Variants in VWA8 observed in about 807,000 individuals in gnomAD.
VWA8 encodes von Willebrand factor A domain containing 8.
Under a neutral mutation model 241.5 loss-of-function variants are expected in VWA8, and 221 were observed. That is an observed-to-expected ratio of 0.91 (90% CI 0.82 to 1.02). The LOEUF (loss-of-function observed/expected upper bound fraction) is 1.02. VWA8 is among the 50% of genes least tolerant of loss of function. The probability of loss-of-function intolerance (pLI) is 0.00; values close to 1 mark genes in which losing one functional copy is unlikely to be tolerated. For synonymous variants in VWA8, 852 were observed against 827.1 expected, an observed-to-expected ratio of 1.03 and a Z score of -0.52; for missense variants, 2,322 against 2,328.7, an observed-to-expected ratio of 1.00 and a Z score of 0.06.
At chr13:41,879,667 GA>G (rs376217780) in intron 9 of VWA8, among the ~76,000 whole-genome samples, 126 of 141,820 alleles carry the variant, frequency 8.9e-4, no homozygotes, top group Middle Eastern at 3.6e-3. Flanking sequence ...TAACTGCTCT[GA>G]AAAAAAAAAA....
chr13:41,885,989 G>T lies in VWA8; in HGVS notation c.906C>A (p.Ser302=). 1 of 1,606,888 alleles carries T rather than the reference G, an allele frequency of 6.2e-7. No individual in the cohort carries two copies. The highest frequency in any genetic ancestry group is 1.1e-5 in the South Asian group (1 of 88,848). Residue 302 remains serine (S), a synonymous_variant, in exon 8 of 45, where the codon TCC becomes TCA. Coordinates refer to ENST00000379310, the MANE Select transcript of VWA8 (RefSeq NM_015058.2). The part of the protein sequence containing the change: ...QLLSFATTLC[S]QESSTLGLPD... ...GAAGTCCAAGAGTAGAAGATTCTTG[G>T]GAACACAGAGTTGTGGCAAAGGACA...
intron 19 of VWA8, among the ~76,000 whole-genome samples, chr13:41,778,460 C>T (rs1868719167): frequency 6.6e-6 from 1 of 152,080 alleles, no homozygotes; most frequent in African/African-American, 2.4e-5. Context: ...TTGTTCTTAA[C>T]CATTACCTTT....
intron 39 of VWA8, 36 bp from the exon 40 acceptor site, chr13:41,605,312 A>C (rs759339648): frequency 1.2e-6 from 2 of 1,600,282 alleles, no homozygotes; most frequent in South Asian, 1.1e-5. Context: ...TAACAGCTTA[A>C]ATCACGTATA....
chr13:41,666,600 T>C (rs2044988015), intron 37 of VWA8, among the ~76,000 whole-genome samples: 1 of 152,064 alleles, frequency 6.6e-6, no homozygotes, highest in South Asian at 2.1e-4. Flanking sequence ...ATGGTGGGGG[T>C]GTTTGCAAAA....
chr13:41,872,082 C>G (rs1358155084), intron 9 of VWA8, among the ~76,000 whole-genome samples: 2 of 152,212 alleles, frequency 1.3e-5, no homozygotes, highest in South Asian at 4.2e-4. Context: ...TTTCATGTGT[C>G]TTTTGGCTGC....
chr13:41,869,956 C>A (rs1355988647), intron 9 of VWA8, among the ~76,000 whole-genome samples: 3 of 152,048 alleles, frequency 2.0e-5, no homozygotes, highest in Non-Finnish European at 2.9e-5. Context: ...AAGAACAGAT[C>A]ATCATGTATT....
chr13:41,922,301 T>G (rs1876583252), intron 2 of VWA8, among the ~76,000 whole-genome samples: 1 of 152,220 alleles, frequency 6.6e-6, no homozygotes, highest in African/African-American at 2.4e-5. Context: ...GATTAAAGGC[T>G]TAAATGTTAG....
At chr13:41,736,844 CTTTTT>C (rs5803100) in intron 21 of VWA8, among the ~76,000 whole-genome samples, 1 of 128,482 alleles carries the variant, frequency 7.8e-6, no homozygotes. Context: ...TTTTTCTTTT[CTTTTT>C]TTTTTTTTTT....
At chr13:41,611,366 G>C (rs546512959) in intron 39 of VWA8, among the ~76,000 whole-genome samples, 4 of 152,192 alleles carry the variant, frequency 2.6e-5, no homozygotes, top group Non-Finnish European at 4.4e-5. Context: ...TTGAGCTTTA[G>C]ATTTTAAGGA....
At chr13:41,602,731 G>T (rs2044529541) in intron 40 of VWA8, among the ~76,000 whole-genome samples, 1 of 152,096 alleles carries the variant, frequency 6.6e-6, no homozygotes, top group Non-Finnish European at 1.5e-5. Flanking sequence ...TAACATACTG[G>T]TATCTGTCAT....
chr13:41,701,940 A>C (rs77013713), intron 27 of VWA8, among the ~76,000 whole-genome samples: 1 of 152,338 alleles, frequency 6.6e-6, no homozygotes, highest in African/African-American at 2.4e-5. Flanking sequence ...AAGGATTTTT[A>C]TGTCATTACA....
intron 2 of VWA8, chr13:41,927,272 C>A: frequency 2.0e-6 from 1 of 506,764 alleles, no homozygotes. Flanking sequence ...CTTCTATTTC[C>A]TGCTATAAAA....
chr13:41,888,326 G>T (rs1874646368), intron 5 of VWA8, among the ~76,000 whole-genome samples: 1 of 152,160 alleles, frequency 6.6e-6, no homozygotes, highest in Admixed American at 6.6e-5. Flanking sequence ...ACGGCTTTCA[G>T]CAATTCTTCA....
chr13:41,584,177 T>C (rs1231447310), intron 42 of VWA8, among the ~76,000 whole-genome samples: 1 of 151,944 alleles, frequency 6.6e-6, no homozygotes, highest in African/African-American at 2.4e-5. Context: ...AGGTTTAAAA[T>C]TTTTCAAATT....
intron 41 of VWA8, among the ~76,000 whole-genome samples, chr13:41,588,430 AAAG>A (rs778534090): frequency 2.0e-5 from 3 of 152,244 alleles, no homozygotes; most frequent in Admixed American, 1.3e-4. Context: ...TGACGATAAA[AAAG>A]AAGAAGGCTG....
At chr13:41,920,114 C>A (rs934795546) in intron 2 of VWA8, among the ~76,000 whole-genome samples, 1 of 152,158 alleles carries the variant, frequency 6.6e-6, no homozygotes, top group African/African-American at 2.4e-5. Context: ...CTGCACCTGG[C>A]TGCACAGAAC....
At chr13:41,896,195 G>GA (rs933186999) in intron 4 of VWA8, among the ~76,000 whole-genome samples, 8 of 152,040 alleles carry the variant, frequency 5.3e-5, no homozygotes, top group East Asian at 1.9e-4. Context: ...CGCACTGTTG[G>GA]AAAAAAATTT....
chr13:41,848,194 C>A (rs1872371240), intron 12 of VWA8, among the ~76,000 whole-genome samples: 1 of 152,132 alleles, frequency 6.6e-6, no homozygotes, highest in Non-Finnish European at 1.5e-5. Context: ...ACTAAAGCTG[C>A]CTTTTCTGAA....
chr13:41,781,733 C>T (rs1408428347), intron 19 of VWA8, among the ~76,000 whole-genome samples: 1 of 152,184 alleles, frequency 6.6e-6, no homozygotes. Flanking sequence ...TGAAGTAATA[C>T]TCTTTATCAA....
Sources: gnomAD v4.1 joint callset for allele counts (sites outside exome capture counted in the v4.1 genomes callset) on GRCh38, gnomAD v4.1.1 for gene constraint, MANE v1.5 for transcripts, NCBI Gene and HGNC (gene_info 2026-07-23, HGNC 2026-07-21) for gene names.